Variants in TEP1 observed in about 807,000 individuals in gnomAD.
TEP1 encodes telomerase protein component 1.
In TEP1, 241 loss-of-function variants were observed where a neutral mutation model predicts 306.3. The ratio of observed to expected loss-of-function variants is 0.79; its 90% CI spans 0.71 to 0.88. TEP1 has a LOEUF of 0.88. TEP1 is among the 40% of genes least tolerant of loss of function. The probability of loss-of-function intolerance (pLI) is 0.00; values close to 1 mark genes in which losing one functional copy is unlikely to be tolerated. For missense variants in TEP1, 3,051 were observed against 3,276.1 expected, an observed-to-expected ratio of 0.93 and a Z score of 1.68; for synonymous variants, 1,289 against 1,305.5, an observed-to-expected ratio of 0.99 and a Z score of 0.27.
At position 20,367,615 on chromosome 14, in the gene TEP1, C is replaced by CT. The variant is rs879743976; in HGVS notation, c.*821dup. On this transcript the variant is annotated 3_prime_UTR_variant, in exon 55 of 55. Coordinates refer to ENST00000262715, the MANE Select transcript of TEP1 (RefSeq NM_007110.5). ...CTCCTCACCTCTCATCTGGGTAGTT[C>CT]TTTTTTTTTTTTTTTAGACAGAGTC... 6.5e-3 allele frequency: 893 copies of CT among 138,374 alleles called. 2 individuals are homozygous for CT. The highest frequency in any genetic ancestry group is 0.015 in the Middle Eastern group (4 of 266). 8.6% of individuals were successfully genotyped at this position (138,374 alleles called of 1,614,324 possible). A position where few individuals can be genotyped will look rare whatever the true frequency, so the allele number is the denominator to read the frequency against.
At chr14:20,369,295 A>T in intron 53 of TEP1, 49 bp downstream of exon 53, 2 of 1,596,360 alleles carry the variant, frequency 1.3e-6, no homozygotes, top group Non-Finnish European at 8.6e-7. Flanking sequence ...GGTGTGAGCC[A>T]CTGCTCCCAG....
rs57417133 is a variant in TEP1, at chr14:20,372,380, A to G, written c.7076+353T>C. Among the ~76,000 whole-genome samples, 1,026 of 139,598 alleles carry G rather than the reference A, an allele frequency of 7.3e-3. 6 individuals carry two copies. Among genetic ancestry groups the G allele is most frequent in the African/African-American group, 0.023 (863 of 37,660 alleles). The allele number at this position is 139,598 out of a possible 152,430, so 91.6% of individuals were successfully genotyped here. A position where few individuals can be genotyped will look rare whatever the true frequency, so the allele number is the denominator to read the frequency against. ...CAGGAATATGTGTGTGTGTGTGTGT[A>G]TGTGTGTGTGTGTGTGTGTGTGTGT... On this transcript the variant is annotated intron_variant, in intron 49 of 54. Transcript: ENST00000262715.
chr14:20,395,511 T>C lies in TEP1; in HGVS notation c.1867A>G (p.Met623Val), dbSNP rs895994617. ...HLSRQQLRMA[M>V]RIPVLYEQLK... ...TGCTCATACAACACAGGTATCCTCA[T>C]TGCCATCCGAAGCTGCTGACGGCTT... The change falls in exon 12 of 55, where the codon ATG becomes GTG. Residue 623 changes from methionine to valine, a missense_variant. Met to Val is a conservative substitution (Grantham distance 21). This residue lies in a region of TEP1 where 1,507 missense variants were observed against 1,550.5 expected (regional missense o/e 0.97). Coordinates refer to ENST00000262715, the MANE Select transcript of TEP1 (RefSeq NM_007110.5). 1.4e-5 allele frequency: 22 copies of C among 1,613,688 alleles called. No individual in the cohort carries two copies. Among genetic ancestry groups the C allele is most frequent in the Admixed American group, 1.3e-4 (8 of 60,004 alleles).
chr14:20,401,989 A>C (rs551643726), intron 7 of TEP1, among the ~76,000 whole-genome samples: 8 of 152,292 alleles, frequency 5.3e-5, no homozygotes, highest in South Asian at 2.1e-4. Flanking sequence ...TAAAAACTAA[A>C]AGTAGGCAGG....
intron 43 of TEP1, 54 bp from the exon 44 acceptor site, chr14:20,374,590 G>A (rs1885062390): frequency 1.4e-6 from 2 of 1,383,608 alleles, no homozygotes; most frequent in African/African-American, 1.4e-5. Flanking sequence ...CCAGCATTTT[G>A]GTATATCTGT....
In TEP1 at chr14:20,373,055, C is replaced by T. The variant is rs1884946645; in HGVS notation, c.6907G>A (p.Glu2303Lys). The change falls in exon 48 of 55, where the codon GAA becomes AAA. Residue 2303 changes from glutamate (E) to lysine (K), a missense_variant. By Grantham distance (56) the Glu-to-Lys change is moderately conservative (BLOSUM62 1). Coordinates refer to ENST00000262715, the MANE Select transcript of TEP1 (RefSeq NM_007110.5). ...TTAGCTTCCTGCCACAAGATTAGTTCCCCAGCTTGATTTCCAGATACTGCC... is the reference window on the plus strand; with the variant it reads ...TTAGCTTCCTGCCACAAGATTAGTTTCCCAGCTTGATTTCCAGATACTGCC... ...SMAVSGNQAG[E>K]LILWQEAKAV... 1.2e-6 allele frequency: 2 copies of T among 1,614,068 alleles called. No individual in the cohort carries two copies. The highest frequency in any genetic ancestry group is 1.3e-5 in the African/African-American group (1 of 74,924).
Position 20,372,240 on chromosome 14 carries a change from C to T in TEP1, c.7076+493G>A, listed in dbSNP as rs553867154. ...CCATATCTTCTGTACATGTTCCTTC[C>T]TCTTCCTGAAACACTGTTCCCTTCT... On this transcript the variant is annotated intron_variant, in intron 49 of 54. Transcript: ENST00000262715. Among the ~76,000 whole-genome samples, 12 of 152,252 alleles carry T rather than the reference C, an allele frequency of 7.9e-5. No individual in the cohort carries two copies. In the South Asian group the frequency reaches 8.3e-4, roughly 11 times the overall value.
At chr14:20,389,392 C>T (rs1185229323) in intron 16 of TEP1, 95 bp from the exon 17 acceptor site, 7 of 1,491,336 alleles carry the variant, frequency 4.7e-6, no homozygotes, top group East Asian at 4.5e-5. Flanking sequence ...CCCACTTCTG[C>T]ACCTTTAATA....
In TEP1 at chr14:20,382,056, A is replaced by T; in HGVS notation, c.4281T>A (p.Thr1427=). 1 of 1,614,102 alleles carries T rather than the reference A, an allele frequency of 6.2e-7. No homozygotes were observed. Among genetic ancestry groups the T allele is most frequent in the Non-Finnish European group, 8.5e-7 (1 of 1,180,006 alleles). Residue 1427 remains threonine, a synonymous_variant, in exon 30 of 55, where the codon ACT becomes ACA. Coordinates refer to ENST00000262715, the MANE Select transcript of TEP1 (RefSeq NM_007110.5). ...TCAGCACTCCGTGCAGCTGGTCCACAGTCAAACCTGAAAACTCAAGCTCTC... is the reference window on the plus strand; with the variant it reads ...TCAGCACTCCGTGCAGCTGGTCCACTGTCAAACCTGAAAACTCAAGCTCTC... ...TALEVTRSGL[T]VDQLHGVLSV...
At chr14:20,410,118 T>C (rs900749318) in intron 1 of TEP1, among the ~76,000 whole-genome samples, 42 of 151,406 alleles carry the variant, frequency 2.8e-4, no homozygotes, top group African/African-American at 9.9e-4. Flanking sequence ...ACTTTGAGCA[T>C]TGCCTGGCAC....
intron 49 of TEP1, 79 bp downstream of exon 49, chr14:20,372,654 G>A: frequency 6.3e-7 from 1 of 1,596,114 alleles, no homozygotes; most frequent in South Asian, 1.1e-5. Context: ...TTCAGAAGCA[G>A]AAGTGCAGTA....
intron 44 of TEP1, 104 bp from the exon 45 acceptor site, chr14:20,373,914 T>C: frequency 6.9e-7 from 1 of 1,459,272 alleles, no homozygotes; most frequent in African/African-American, 1.4e-5. Context: ...ATGGAAGATG[T>C]CAATGAGGGA....
rs1877674459 is a variant in TEP1, at chr14:20,391,082, A to G, written c.2112T>C (p.Tyr704=). 3 of 1,614,024 alleles carry G rather than the reference A, an allele frequency of 1.9e-6. No homozygotes were observed. The highest frequency in any genetic ancestry group is 2.2e-5 in the East Asian group (1 of 44,900). ...TCATCATCCCAATCAACAGCAGTGC[A>G]TAGTTCAGCGGGGGCTGATTGGACA... ...KSNPQGPPLN[Y]ALLLIGMMIT... The change falls in exon 14 of 55, where the codon TAT becomes TAC. Residue 704 remains tyrosine, a synonymous_variant. Transcript: ENST00000262715.
intron 21 of TEP1, 118 bp from the exon 22 acceptor site, chr14:20,384,831 C>G: frequency 6.8e-7 from 1 of 1,480,040 alleles, no homozygotes; most frequent in Non-Finnish European, 9.2e-7. Flanking sequence ...GCTCCTGACT[C>G]CAGCACCAAG....
Position 20,373,853 on chromosome 14 carries a change from G to C in TEP1, c.6472-43C>G, listed in dbSNP as rs202116338. 7 of 1,592,076 alleles carry C rather than the reference G, an allele frequency of 4.4e-6. No homozygotes were observed. In the Admixed American group the frequency reaches 1.2e-4, roughly 27 times the overall value. Reference sequence around the variant, plus strand: ...GATCAGAGCAGAGTCATATTGAGCAGGACATGGGAAACAGAACTTCCTCCA... The same window carrying C: ...GATCAGAGCAGAGTCATATTGAGCACGACATGGGAAACAGAACTTCCTCCA... On this transcript the variant is annotated intron_variant, in intron 44 of 54. Coordinates refer to ENST00000262715, the MANE Select transcript of TEP1 (RefSeq NM_007110.5).
At position 20,383,624 on chromosome 14, in the gene TEP1, TGCAGC is replaced by T. The variant is rs775628199; in HGVS notation, c.3726_3730del (p.Leu1243AlafsTer9). The stretch of plus-strand genomic sequence containing the variant: ...AGCAGACTTGGGCAGCAGCCTCTGC[TGCAGC>T]TCCCACACCAGGCTTCTGTACATGG... On this transcript the variant is annotated frameshift_variant, in exon 26 of 55. Coordinates refer to ENST00000262715, the MANE Select transcript of TEP1 (RefSeq NM_007110.5). LOFTEE classifies it high-confidence loss of function. 12 of 1,613,662 alleles carry T rather than the reference TGCAGC, an allele frequency of 7.4e-6. No homozygotes were observed. Among genetic ancestry groups the T allele is most frequent in the Middle Eastern group, 1.6e-4 (1 of 6,062 alleles).
At chr14:20,412,486 G>T (rs1438416596) in intron 1 of TEP1, among the ~76,000 whole-genome samples, 1 of 152,062 alleles carries the variant, frequency 6.6e-6, no homozygotes, top group Non-Finnish European at 1.5e-5. Context: ...CCCTTCTCTG[G>T]AAGTAAACAT....
chr14:20,374,397 A>ACC (rs34475416), intron 44 of TEP1, 32 bp downstream of exon 44: 2 of 1,543,334 alleles, frequency 1.3e-6, no homozygotes, highest in Non-Finnish European at 1.8e-6. Flanking sequence ...CCTTCCAGAG[A>ACC]CCCCCCAGTG....
At chr14:20,401,371 TGA>T (rs1344925931) in intron 8 of TEP1, 84 bp downstream of exon 8, 1 of 1,562,990 alleles carries the variant, frequency 6.4e-7, no homozygotes, top group Non-Finnish European at 8.7e-7. Context: ...TTGCTGGGTT[TGA>T]GAACTACTGG....
Sources: allele counts gnomAD v4.1 joint callset (sites outside exome capture counted in the v4.1 genomes callset), GRCh38; gene constraint gnomAD v4.1.1; regional missense constraint gnomAD v4.1.1; transcripts MANE v1.5; gene names NCBI Gene and HGNC (gene_info 2026-07-23, HGNC 2026-07-21).